MAT2A: variants seen among roughly 807,000 people sequenced by gnomAD.
The protein encoded by MAT2A is S-adenosylmethionine synthase isoform type-2.
A neutral mutation model predicts 43.9 loss-of-function variants in MAT2A; 3 were observed. The ratio of observed to expected loss-of-function variants is 0.07; its 90% confidence interval spans 0.03 to 0.18. The LOEUF (loss-of-function observed/expected upper bound fraction) is 0.18, where lower values mean the gene tolerates loss of function less well. Ranked by LOEUF, MAT2A falls within the 10% of genes least tolerant of loss-of-function variation. The probability of loss-of-function intolerance (pLI) is 1.00; values close to 1 mark genes in which losing one functional copy is unlikely to be tolerated. For missense variants in MAT2A, 204 were observed against 489.0 expected (o/e 0.42, Z 5.50); for synonymous variants, 200 against 168.4 (o/e 1.19, Z -1.45).
rs762420928 is a variant in MAT2A at position 85,542,011 on chromosome 2, A to G, written c.549+39A>G. On this transcript the variant is annotated intron_variant, in intron 5 of 8. Transcript: ENST00000306434. ...ATAAAGCTTGGTTGTCTCATTTATTACATCAGCACAGAAGATCCATAATTT... is the reference window on the plus strand; with the variant it reads ...ATAAAGCTTGGTTGTCTCATTTATTGCATCAGCACAGAAGATCCATAATTT... 3.7e-6 allele frequency: 6 copies of G among 1,603,704 alleles called. No homozygotes were observed. The African/African-American group carries it at 6.7e-5, about 18-fold the overall frequency.
intron 2 of MAT2A, 24 bp downstream of exon 2, chr2:85,541,184 A>G (rs759533168): frequency 3.7e-5 from 59 of 1,612,926 alleles, no homozygotes; most frequent in Non-Finnish European, 5.0e-5. Flanking sequence ...GTGCTTATCA[A>G]CTGGTGGAAA....
At chr2:85,542,426 T>C (rs1328105059) in intron 6 of MAT2A, 53 bp downstream of exon 6, 30 of 1,579,004 alleles carry the variant, frequency 1.9e-5, no homozygotes, top group Non-Finnish European at 2.4e-5. Flanking sequence ...CTTAAAATTT[T>C]GGCTACTACA....
rs1436881741 is a variant in MAT2A at position 85,541,075 on chromosome 2, T to C, written c.92-8T>C. On this transcript the variant is annotated splice_polypyrimidine_tract_variant and splice_region_variant and intron_variant, in intron 1 of 8. Coordinates refer to ENST00000306434, the MANE Select transcript of MAT2A (RefSeq NM_005911.6). ...AAAGAAACTGAGCCAGGAATTTCTC[T>C]TTTCCAGATAAGATTTGTGACCAAA... 1.2e-6 allele frequency: 2 copies of C among 1,604,420 alleles called. No homozygotes were observed. The highest frequency in any genetic ancestry group is 1.7e-6 in the Non-Finnish European group (2 of 1,174,554).
At chr2:85,541,608 A>G in intron 3 of MAT2A, 25 bp from the exon 4 acceptor site, 1 of 1,543,000 alleles carries the variant, frequency 6.5e-7, no homozygotes, top group Non-Finnish European at 8.8e-7. Flanking sequence ...GGACGTAAAC[A>G]AGATGTTGTG....
chr2:85,540,121 T>G (rs1391035828), intron 1 of MAT2A: 1 of 152,232 alleles, frequency 6.6e-6, no homozygotes, highest in Non-Finnish European at 1.5e-5. Flanking sequence ...GCATTTAAAG[T>G]CTTCGGTGCA....
At position 85,543,935 on chromosome 2, in the gene MAT2A, A is replaced by G. The variant is rs1188510143; in HGVS notation, c.*163A>G. On this transcript the variant is annotated 3_prime_UTR_variant, in exon 9 of 9. Transcript: ENST00000306434. ...ACATGAATTTTAGCTTTTGTGGGGG[A>G]CTGTAAGTTGGGCTTGCTATTCTGT... is the stretch of plus-strand genomic sequence containing the variant. The G allele has an allele frequency of 3.5e-6, 2 of 567,354 alleles. No individual in the cohort carries two copies. Among genetic ancestry groups the G allele is most frequent in the Non-Finnish European group, 6.4e-6 (2 of 312,720 alleles). The allele number at this position is 567,354 out of a possible 1,614,324, so 35.1% of individuals were successfully genotyped here. A position where few individuals can be genotyped will look rare whatever the true frequency, so the allele number is the denominator to read the frequency against.
intron 8 of MAT2A, 54 bp downstream of exon 8, chr2:85,543,088 T>C (rs762171197): frequency 1.2e-5 from 19 of 1,578,008 alleles, no homozygotes; most frequent in South Asian, 1.1e-5. Flanking sequence ...TGGGTGTGTG[T>C]GTATATACTT....
chr2:85,542,534 G>T (rs747742063), intron 6 of MAT2A, 31 bp from the exon 7 acceptor site: 1 of 1,600,372 alleles, frequency 6.2e-7, no homozygotes, highest in South Asian at 1.1e-5. Context: ...AAAGCACTAG[G>T]CGTAAAGTAA....
At chr2:85,543,446 G>C in intron 8 of MAT2A, 1 of 459,956 alleles carries the variant, frequency 2.2e-6, no homozygotes, top group Admixed American at 3.9e-5. Context: ...ATAATGACAA[G>C]TTTTCGTATT....
chr2:85,541,400 AT>A, intron 3 of MAT2A, 23 bp downstream of exon 3: 2 of 1,604,766 alleles, frequency 1.2e-6, no homozygotes, highest in Non-Finnish European at 8.5e-7. Flanking sequence ...GATTTTGCTC[AT>A]TTTTTTCTAG....
At chr2:85,540,288 T>G (rs559810684) in intron 1 of MAT2A, among the ~76,000 whole-genome samples, 1 of 152,324 alleles carries the variant, frequency 6.6e-6, no homozygotes, top group African/African-American at 2.4e-5. Context: ...GTTTCTGCCC[T>G]TAGGATGACC....
intron 1 of MAT2A, among the ~76,000 whole-genome samples, 199 bp from the exon 2 acceptor site, chr2:85,540,884 A>G (rs1261012104): frequency 1.3e-5 from 2 of 152,180 alleles, no homozygotes; most frequent in Non-Finnish European, 2.9e-5. Context: ...CTAACAGTTC[A>G]CCTTTCTGGT....
chr2:85,542,882 G>C lies in MAT2A; in HGVS notation c.952-19G>C, dbSNP rs116037832. ...GGTCTTTGCAATCACTGATTCTTAC[G>C]ACATTTGAATCCTTTTAGGTCTCTT... On this transcript the variant is annotated intron_variant, in intron 7 of 8. Coordinates refer to ENST00000306434, the MANE Select transcript of MAT2A (RefSeq NM_005911.6). 1.2e-6 allele frequency: 2 copies of C among 1,606,548 alleles called. No homozygotes were observed. The highest frequency in any genetic ancestry group is 3.4e-5 in the Admixed American group (2 of 58,448).
At chr2:85,540,028 A>G (rs1457095496) in intron 1 of MAT2A, 2 of 152,300 alleles carry the variant, frequency 1.3e-5, no homozygotes, top group Admixed American at 6.5e-5. Flanking sequence ...AATATAGCTC[A>G]TGTCCAAGAA....
chr2:85,540,587 A>G (rs190310876), intron 1 of MAT2A, among the ~76,000 whole-genome samples: 3 of 152,362 alleles, frequency 2.0e-5, no homozygotes, highest in African/African-American at 7.2e-5. Context: ...GCAGGGAGAC[A>G]TGGATTCGGA....
intron 5 of MAT2A, 67 bp from the exon 6 acceptor site, chr2:85,542,088 C>A: frequency 6.3e-7 from 1 of 1,580,284 alleles, no homozygotes; most frequent in Non-Finnish European, 8.7e-7. Context: ...ATTGTAACTT[C>A]AGGTAGAGAA....
intron 1 of MAT2A, among the ~76,000 whole-genome samples, chr2:85,540,712 C>T (rs990975936): frequency 1.3e-5 from 2 of 152,144 alleles, no homozygotes; most frequent in African/African-American, 4.8e-5. Context: ...ATTGTTTAAT[C>T]GAATTATCTT....
At chr2:85,542,851 T>C (rs746560997) in intron 7 of MAT2A, 50 bp from the exon 8 acceptor site, 36 of 1,592,924 alleles carry the variant, frequency 2.3e-5, no homozygotes, top group Middle Eastern at 1.8e-4. Context: ...ATTATACAAG[T>C]ATATGGGTCT....
At chr2:85,543,181 C>G in intron 8 of MAT2A, 147 bp downstream of exon 8, 1 of 869,852 alleles carries the variant, frequency 1.1e-6, no homozygotes. Flanking sequence ...GAACTGCTGC[C>G]TTAGTGAAGA....
Sources: gnomAD v4.1 joint callset for allele counts (sites outside exome capture counted in the v4.1 genomes callset) on GRCh38, gnomAD v4.1.1 for gene constraint, MANE v1.5 for transcripts, NCBI Gene and HGNC (gene_info 2026-07-23, HGNC 2026-07-21) for gene names.